Variants in AHNAK observed in about 807,000 individuals in gnomAD.
AHNAK encodes AHNAK nucleoprotein, also known as neuroblast differentiation-associated protein AHNAK.
AHNAK carries 23 observed loss-of-function variants against 37.8 expected under a neutral mutation model. That is an observed-to-expected ratio of 0.61 (90% confidence interval 0.44 to 0.86). The LOEUF (loss-of-function observed/expected upper bound fraction) is 0.86. Ranked by LOEUF, AHNAK falls within the 40% of genes least tolerant of loss-of-function variation. The probability of loss-of-function intolerance (pLI) is 0.00; values close to 1 mark genes in which losing one functional copy is unlikely to be tolerated. For synonymous variants in AHNAK, 2,481 were observed against 2,636.3 expected (o/e 0.94, Z 1.80); for missense variants, 7,411 against 7,319.4 (o/e 1.01, Z -0.46).
chr11:62,477,444 G>A (rs1025758547), intron 5 of AHNAK, among the ~76,000 whole-genome samples: 6 of 152,256 alleles, frequency 3.9e-5, no homozygotes, highest in Middle Eastern at 3.4e-3. Context: ...GAAATAACCT[G>A]TACAACAAGC....
chr11:62,481,670 C>T (rs1257109233), intron 5 of AHNAK, among the ~76,000 whole-genome samples: 2 of 151,850 alleles, frequency 1.3e-5, no homozygotes, highest in Non-Finnish European at 2.9e-5. Flanking sequence ...CTCCGCCTCC[C>T]GGGTTTATGC....
chr11:62,521,711 G>A lies in AHNAK; in HGVS notation c.12706C>T (p.Pro4236Ser). 1 of 1,613,908 alleles carries A rather than the reference G, an allele frequency of 6.2e-7. No individual in the cohort carries two copies. The highest frequency in any genetic ancestry group is 1.3e-5 in the African/African-American group (1 of 74,932). ...IDVPDVNIEG[P>S]DAKLKGPKFK... ...TTAGGGCCCTTTAGTTTCGCATCTG[G>A]ACCTTCGATATTCACATCAGGAACA... Residue 4236 changes from proline (P) to serine (S), a missense_variant, in exon 5 of 5, where the codon CCA (proline) becomes TCA (serine). Pro to Ser is a moderately conservative substitution (Grantham distance 74, BLOSUM62 -1). Transcript: ENST00000378024.
intron 5 of AHNAK, among the ~76,000 whole-genome samples, chr11:62,434,932 CAAAAAAAAAAAA>C (rs55712038): frequency 1.2e-5 from 1 of 84,382 alleles, no homozygotes; most frequent in Non-Finnish European, 2.2e-5. Context: ...GACCCTGTCT[CAAAAAAAAAAAA>C]AAAAAAAAAA....
At chr11:62,488,423 C>T (rs187864828) in intron 5 of AHNAK, among the ~76,000 whole-genome samples, 14 of 150,454 alleles carry the variant, frequency 9.3e-5, no homozygotes, top group Non-Finnish European at 1.8e-4. Context: ...TTTTCCAAGA[C>T]GGAGTTTCGC....
rs755168751 is a variant in AHNAK, at chr11:62,521,353, T to A, written c.13064A>T (p.Asp4355Val). 4 of 1,613,722 alleles carry A rather than the reference T, an allele frequency of 2.5e-6. No homozygotes were observed. Among genetic ancestry groups the A allele is most frequent in the Non-Finnish European group, 2.5e-6 (3 of 1,179,966 alleles). Reference sequence around the variant, plus strand: ...ACCTTCGATACTGACATCAGGGGCATCAATGTCCACTTTGGGGCCAGAAAT... The same window carrying A: ...ACCTTCGATACTGACATCAGGGGCAACAATGTCCACTTTGGGGCCAGAAAT... ...IEISGPKVDI[D>V]APDVSIEGPD... The change falls in exon 5 of 5, where the codon GAT (aspartate) becomes GTT (valine). Residue 4355 changes from aspartate (D) to valine (V), a missense_variant. By Grantham distance (152) the Asp-to-Val change is radical. Coordinates refer to ENST00000378024, the MANE Select transcript of AHNAK (RefSeq NM_001620.3).
In AHNAK at chr11:62,461,447, G is replaced by T. The variant is rs1482022107; in HGVS notation, c.443-27556C>A. On this transcript the variant is annotated intron_variant, in intron 5 of 5. Coordinates refer to the AHNAK transcript ENST00000257247. ...GCGTGAGCCACTGCGCCCGGCCCAAGTTGCCTTTTTAAGTAAATTAAGAAG... is the reference window on the plus strand; with the variant it reads ...GCGTGAGCCACTGCGCCCGGCCCAATTTGCCTTTTTAAGTAAATTAAGAAG... Among the ~76,000 whole-genome samples the T allele has an allele frequency of 3.9e-5, 6 of 152,110 alleles. No homozygotes were observed. In the South Asian group the frequency reaches 1.2e-3, roughly 31 times the overall value.
At position 62,525,838 on chromosome 11, in the gene AHNAK, A is replaced by C. The variant is rs1213989817; in HGVS notation, c.8579T>G (p.Val2860Gly). The C allele has an allele frequency of 6.2e-7, 1 of 1,613,902 alleles. No individual in the cohort carries two copies. Among genetic ancestry groups the C allele is most frequent in the South Asian group, 1.1e-5 (1 of 91,050 alleles). Residue 2860 changes from valine to glycine, a missense_variant, in exon 5 of 5, where the codon GTA becomes GGA. Transcript: ENST00000378024. ...KGDVDVTGPK[V>G]EGDLKGPEVD... The stretch of plus-strand genomic sequence containing the variant: ...TTCAGGACCTTTCAGATCTCCCTCT[A>C]CCTTAGGGCCTGTAACATCCACATC...
intron 5 of AHNAK, among the ~76,000 whole-genome samples, chr11:62,456,601 T>G (rs1938663557): frequency 6.6e-6 from 1 of 152,036 alleles, no homozygotes; most frequent in African/African-American, 2.4e-5. Flanking sequence ...GTGTGAGGCT[T>G]GGCCCCATAG....
At position 62,523,836 on chromosome 11, in the gene AHNAK, T is replaced by A. The variant is rs1428722482; in HGVS notation, c.10581A>T (p.Lys3527Asn). Residue 3527 changes from lysine (K) to asparagine (N), a missense_variant, in exon 5 of 5, where the codon AAA becomes AAT. Coordinates refer to ENST00000378024, the MANE Select transcript of AHNAK (RefSeq NM_001620.3). ...LNVEGPEGGL[K>N]GPKFKMPDMN... ...TGTCAGGCATCTTGAATTTGGGACCTTTCAAGCCTCCCTCCGGACCTTCCA... is the reference window on the plus strand; with the variant it reads ...TGTCAGGCATCTTGAATTTGGGACCATTCAAGCCTCCCTCCGGACCTTCCA... 1 of 1,614,212 alleles carries A rather than the reference T, an allele frequency of 6.2e-7. No homozygotes were observed. The highest frequency in any genetic ancestry group is 1.7e-5 in the Admixed American group (1 of 60,034).
chr11:62,545,550 A>G (rs1277583204), intron 1 of AHNAK: 1 of 152,640 alleles, frequency 6.6e-6, no homozygotes, highest in Non-Finnish European at 1.5e-5. Context: ...CTTACATAAC[A>G]CAGCTCTGCA....
chr11:62,479,261 A>C (rs1199979662), intron 5 of AHNAK, among the ~76,000 whole-genome samples: 1 of 135,114 alleles, frequency 7.4e-6, no homozygotes, highest in Non-Finnish European at 1.5e-5. Context: ...TCTGCCTCCC[A>C]GGTTCAAGTG....
intron 5 of AHNAK, among the ~76,000 whole-genome samples, chr11:62,484,036 C>CAAAAAAA (rs56402861): frequency 6.4e-5 from 5 of 78,238 alleles, no homozygotes; most frequent in Admixed American, 1.8e-4. Context: ...GACTCCATCT[C>CAAAAAAA]AAAAAAAAAA....
chr11:62,477,869 G>C (rs182348511), intron 5 of AHNAK, among the ~76,000 whole-genome samples: 2 of 152,216 alleles, frequency 1.3e-5, no homozygotes, highest in East Asian at 3.9e-4. Context: ...CTTTCCAGAG[G>C]TGGTGATGGT....
intron 5 of AHNAK, among the ~76,000 whole-genome samples, chr11:62,473,196 A>T (rs190795684): frequency 1.9e-3 from 283 of 149,552 alleles, no homozygotes; most frequent in African/African-American, 6.6e-3. Flanking sequence ...GGAGTTCGAG[A>T]CCAGCCTGGT....
At position 62,528,240 on chromosome 11, in the gene AHNAK, A is replaced by T. The variant is rs774818593; in HGVS notation, c.6177T>A (p.Pro2059=). 4 of 1,614,098 alleles carry T rather than the reference A, an allele frequency of 2.5e-6. No homozygotes were observed. In the South Asian group the frequency reaches 4.4e-5, roughly 18 times the overall value. Residue 2059 remains proline, a synonymous_variant, in exon 5 of 5, where the codon CCT becomes CCA. Coordinates refer to ENST00000378024, the MANE Select transcript of AHNAK (RefSeq NM_001620.3). ...CTTCTGGGCCCTCTGCTTTGAAGCCAGGCATGCTGAACTTGGGCATTTTCA... is the reference window on the plus strand; with the variant it reads ...CTTCTGGGCCCTCTGCTTTGAAGCCTGGCATGCTGAACTTGGGCATTTTCA... The part of the protein sequence containing the change: ...PKMKMPKFSM[P]GFKAEGPEVD...
At chr11:62,454,935 T>TTA (rs1565199655) in intron 5 of AHNAK, among the ~76,000 whole-genome samples, 4 of 149,392 alleles carry the variant, frequency 2.7e-5, no homozygotes, top group African/African-American at 1.0e-4. Context: ...TATTTATTTT[T>TTA]TTTTTTTTTT....
At chr11:62,454,189 G>A (rs1236400750) in intron 5 of AHNAK, among the ~76,000 whole-genome samples, 1 of 151,738 alleles carries the variant, frequency 6.6e-6, no homozygotes, top group Non-Finnish European at 1.5e-5. Flanking sequence ...GGAGGCGGGC[G>A]GATCACGAGG....
At chr11:62,490,721 G>A (rs1027118313) in intron 5 of AHNAK, among the ~76,000 whole-genome samples, 3 of 152,158 alleles carry the variant, frequency 2.0e-5, no homozygotes, top group African/African-American at 7.2e-5. Context: ...TGCCATGTGG[G>A]AATGTGGGCT....
rs774946312 is a variant in AHNAK, at chr11:62,523,072, T to C, written c.11345A>G (p.Lys3782Arg). Residue 3782 changes from lysine to arginine, a missense_variant, in exon 5 of 5, where the codon AAG (lysine) becomes AGG (arginine). Coordinates refer to ENST00000378024, the MANE Select transcript of AHNAK (RefSeq NM_001620.3). ...GDLKGPEVDIKGPKVDINAPD... is the reference protein window; with the variant it reads ...GDLKGPEVDIRGPKVDINAPD... The stretch of plus-strand genomic sequence containing the variant: ...AGCATTAATGTCCACTTTGGGGCCC[T>C]TGATGTCAACTTCAGGACCCTTGAG... 17 of 1,613,980 alleles carry C rather than the reference T, an allele frequency of 1.1e-5. No homozygotes were observed. The highest frequency in any genetic ancestry group is 5.0e-5 in the Admixed American group (3 of 59,978).
Sources: allele counts gnomAD v4.1 joint callset (sites outside exome capture counted in the v4.1 genomes callset), GRCh38; gene constraint gnomAD v4.1.1; transcripts MANE v1.5; gene names NCBI Gene and HGNC (gene_info 2026-07-23, HGNC 2026-07-21).